THSD7A: variants seen among roughly 807,000 people sequenced by gnomAD.
THSD7A encodes the protein thrombospondin type-1 domain-containing protein 7A.
In THSD7A, 96 loss-of-function variants were observed where a neutral mutation model predicts 231.3. The observed-to-expected ratio is 0.41, with a 90% CI of 0.35 to 0.49. The LOEUF (loss-of-function observed/expected upper bound fraction) is 0.49, where lower values mean the gene tolerates loss of function less well. Ranked by LOEUF, THSD7A falls within the 20% of genes least tolerant of loss-of-function variation. The pLI, the probability that THSD7A is intolerant of heterozygous loss-of-function variation, is 0.05. For synonymous variants in THSD7A, 940 were observed against 743.3 expected (o/e 1.26, Z -4.30); for missense variants, 2,290 against 2,070.2 (o/e 1.11, Z -2.06).
rs78917407 is a variant in THSD7A, at chr7:11,373,060, T to A, written c.*2734A>T. On this transcript the variant is annotated 3_prime_UTR_variant, in exon 28 of 28. Transcript: ENST00000423059. ...ATTTCCTCTCTCTCATATATATGGG[T>A]GTGTGTGTGTGTGTGTGTATATATA... The A allele has an allele frequency of 7.5e-6, 1 of 133,174 alleles. No individual in the cohort carries two copies. Among genetic ancestry groups the A allele is most frequent in the South Asian group, 2.2e-4 (1 of 4,528 alleles). The allele number at this position is 133,174 out of a possible 1,614,324, so 8.2% of individuals were successfully genotyped here. A position where few individuals can be genotyped will look rare whatever the true frequency, so the allele number is the denominator to read the frequency against.
At chr7:11,439,803 T>C (rs1316150267) in intron 13 of THSD7A, among the ~76,000 whole-genome samples, 2 of 152,006 alleles carry the variant, frequency 1.3e-5, no homozygotes, top group Non-Finnish European at 2.9e-5. Context: ...GTCTATAACA[T>C]AAAAGTGCAA....
At position 11,379,690 on chromosome 7, in the gene THSD7A, C is replaced by T; in HGVS notation, c.4530G>A (p.Gln1510=). 1.3e-6 allele frequency: 2 copies of T among 1,592,280 alleles called. No homozygotes were observed. Among genetic ancestry groups the T allele is most frequent in the Non-Finnish European group, 1.7e-6 (2 of 1,168,508 alleles). The change falls in exon 25 of 28, where the codon CAG becomes CAA. Residue 1510 remains glutamine, a synonymous_variant. Transcript: ENST00000423059. ...NVTGGCLVMS[Q]PDADRSCNPP... is the part of the protein sequence containing the mutation. The stretch of plus-strand genomic sequence containing the variant: ...GGTTACAAGACCTGTCGGCATCAGG[C>T]TGGCTCATCACCAAGCAGCCCCCTG...
At chr7:11,508,613 G>A (rs1263267071) in intron 6 of THSD7A, among the ~76,000 whole-genome samples, 1 of 152,144 alleles carries the variant, frequency 6.6e-6, no homozygotes, top group Non-Finnish European at 1.5e-5. Flanking sequence ...CCAAAAAGCA[G>A]AAATCAGGAT....
chr7:11,626,772 T>C (rs1009283178), intron 2 of THSD7A, among the ~76,000 whole-genome samples: 39 of 152,156 alleles, frequency 2.6e-4, no homozygotes, highest in African/African-American at 8.9e-4. Flanking sequence ...TTAATAATGG[T>C]ATATTTTCTC....
intron 1 of THSD7A, among the ~76,000 whole-genome samples, chr7:11,765,644 T>C (rs1214373376): frequency 2.6e-5 from 4 of 152,188 alleles, no homozygotes; most frequent in Admixed American, 6.5e-5. Flanking sequence ...ACACATTCTG[T>C]CACTAAGTGA....
intron 6 of THSD7A, among the ~76,000 whole-genome samples, chr7:11,519,263 C>A (rs747892938): frequency 2.6e-5 from 4 of 152,284 alleles, no homozygotes; most frequent in Non-Finnish European, 5.9e-5. Flanking sequence ...CTGCCCCGCG[C>A]CATCACAACC....
chr7:11,697,339 C>T (rs1002551070), intron 1 of THSD7A, among the ~76,000 whole-genome samples: 19 of 151,320 alleles, frequency 1.3e-4, no homozygotes, highest in African/African-American at 3.9e-4. Flanking sequence ...CATGCCCAGA[C>T]GTCTTCACAA....
At chr7:11,503,094 G>T (rs1787403725) in intron 6 of THSD7A, among the ~76,000 whole-genome samples, 1 of 152,090 alleles carries the variant, frequency 6.6e-6, no homozygotes, top group African/African-American at 2.4e-5. Context: ...AAACAGCATG[G>T]TACTGATTCC....
At chr7:11,471,386 C>G (rs1785932667) in intron 8 of THSD7A, among the ~76,000 whole-genome samples, 1 of 151,940 alleles carries the variant, frequency 6.6e-6, no homozygotes, top group Non-Finnish European at 1.5e-5. Flanking sequence ...ATCAGGTTTT[C>G]AGAAGTGAAC....
At chr7:11,426,349 C>T (rs935611288) in intron 15 of THSD7A, among the ~76,000 whole-genome samples, 2 of 152,206 alleles carry the variant, frequency 1.3e-5, no homozygotes, top group Admixed American at 6.5e-5. Flanking sequence ...TTTCCTTCTC[C>T]CTCTGAAAAG....
chr7:11,820,632 C>G (rs1784847124), intron 1 of THSD7A: 4 of 753,886 alleles, frequency 5.3e-6, no homozygotes, highest in Admixed American at 2.0e-5. Context: ...AAAGTTTCCT[C>G]GAGCGCTCTG....
intron 1 of THSD7A, among the ~76,000 whole-genome samples, chr7:11,699,285 T>C (rs1266916786): frequency 6.6e-6 from 1 of 151,326 alleles, no homozygotes; most frequent in Non-Finnish European, 1.5e-5. Context: ...ATAAATGTAT[T>C]TTAAAGTAAA....
chr7:11,754,222 G>A (rs1288866846), intron 1 of THSD7A, among the ~76,000 whole-genome samples: 3 of 151,928 alleles, frequency 2.0e-5, no homozygotes, highest in Non-Finnish European at 4.4e-5. Context: ...TGAAAATGTT[G>A]TCTCTGAAAA....
intron 24 of THSD7A, 22 bp downstream of exon 24, chr7:11,382,499 C>A (rs773637246): frequency 1.3e-6 from 2 of 1,583,388 alleles, no homozygotes; most frequent in Non-Finnish European, 8.7e-7. Context: ...TTTCAAAGGA[C>A]AAAGAGAAAC....
At chr7:11,692,763 A>C (rs556880460) in intron 1 of THSD7A, among the ~76,000 whole-genome samples, 2 of 151,726 alleles carry the variant, frequency 1.3e-5, no homozygotes, top group African/African-American at 4.8e-5. Flanking sequence ...ATAAAATTCT[A>C]CATATAAACA....
chr7:11,487,947 T>C (rs529859051), intron 6 of THSD7A, among the ~76,000 whole-genome samples: 12 of 152,140 alleles, frequency 7.9e-5, no homozygotes, highest in Non-Finnish European at 1.6e-4. Context: ...TTTTAAATCA[T>C]AGAAATGTGC....
At chr7:11,396,506 C>T (rs2115344419) in intron 23 of THSD7A, among the ~76,000 whole-genome samples, 1 of 152,292 alleles carries the variant, frequency 6.6e-6, no homozygotes, top group South Asian at 2.1e-4. Context: ...CTATAAACAC[C>T]TCTACACAAA....
At chr7:11,565,057 A>T (rs565846049) in intron 4 of THSD7A, among the ~76,000 whole-genome samples, 1 of 152,234 alleles carries the variant, frequency 6.6e-6, no homozygotes, top group African/African-American at 2.4e-5. Flanking sequence ...ATTTTTTCTA[A>T]ATAGGACATG....
At chr7:11,643,470 C>T (rs1156815734) in intron 1 of THSD7A, among the ~76,000 whole-genome samples, 1 of 152,016 alleles carries the variant, frequency 6.6e-6, no homozygotes, top group Non-Finnish European at 1.5e-5. Context: ...TGTCCTTCTA[C>T]TAGGCAATTA....
Sources: allele counts gnomAD v4.1 joint callset (sites outside exome capture counted in the v4.1 genomes callset), GRCh38; gene constraint gnomAD v4.1.1; transcripts MANE v1.5; gene names NCBI Gene and HGNC (gene_info 2026-07-23, HGNC 2026-07-21).